Variants in SND1 observed in about 807,000 individuals in gnomAD.
SND1 encodes the protein staphylococcal nuclease and tudor domain containing 1, also known as staphylococcal nuclease domain-containing protein 1.
In SND1, 38 loss-of-function variants were observed where a neutral mutation model predicts 121.7. The ratio of observed to expected loss-of-function variants is 0.31; its 90% CI spans 0.24 to 0.41. SND1 has a LOEUF of 0.41. Ranked by LOEUF, SND1 falls within the 10% of genes least tolerant of loss-of-function variation. The pLI, the probability that SND1 is intolerant of heterozygous loss-of-function variation, is 1.00. For synonymous variants in SND1, 401 were observed against 447.4 expected (o/e 0.90, Z 1.31); for missense variants, 868 against 1,184.6 (o/e 0.73, Z 3.92).
chr7:127,865,159 G>A (rs1374682934), intron 12 of SND1, among the ~76,000 whole-genome samples: 1 of 152,184 alleles, frequency 6.6e-6, no homozygotes, highest in Non-Finnish European at 1.5e-5. Flanking sequence ...AAACACTATT[G>A]ATGATTACAT....
intron 16 of SND1, among the ~76,000 whole-genome samples, chr7:128,050,485 G>C (rs1230514586): frequency 2.6e-5 from 4 of 152,230 alleles, no homozygotes; most frequent in African/African-American, 7.2e-5. Flanking sequence ...TTACTGCACT[G>C]TAGCAAGGAC....
At chr7:127,725,761 G>A (rs937804412) in intron 10 of SND1, among the ~76,000 whole-genome samples, 1 of 152,136 alleles carries the variant, frequency 6.6e-6, no homozygotes, top group Non-Finnish European at 1.5e-5. Flanking sequence ...AGAACAAAGC[G>A]GGAGAGGGTG....
chr7:127,657,020 G>T (rs955667566), intron 1 of SND1, among the ~76,000 whole-genome samples: 1 of 152,072 alleles, frequency 6.6e-6, no homozygotes, highest in African/African-American at 2.4e-5. Flanking sequence ...TATCTTAAAG[G>T]TTTTCTGTCA....
Position 128,029,517 on chromosome 7 carries a change from C to T in SND1, c.1779+38461C>T, listed in dbSNP as rs757262082. 8.1e-6 allele frequency: 13 copies of T among 1,613,982 alleles called. No homozygotes were observed. Among genetic ancestry groups the T allele is most frequent in the Non-Finnish European group, 1.0e-5 (12 of 1,179,994 alleles). On this transcript the variant is annotated intron_variant, in intron 16 of 23. Transcript: ENST00000354725. The surrounding 1 kb of genome is among the most constrained non-coding windows in gnomAD (Gnocchi z 4.2). ...CTTCACGGAGGACATAGGGGGAGTC[C>T]GACACTTAAGTTCTGCCATCCGACC...
At chr7:127,802,770 T>A (rs914865464) in intron 10 of SND1, among the ~76,000 whole-genome samples, 4 of 152,204 alleles carry the variant, frequency 2.6e-5, no homozygotes, top group African/African-American at 9.6e-5. Flanking sequence ...GATCTTACCC[T>A]TCTCCGTTCG....
At chr7:127,854,561 T>G (rs1799234894) in intron 12 of SND1, among the ~76,000 whole-genome samples, 2 of 150,736 alleles carry the variant, frequency 1.3e-5, no homozygotes, top group African/African-American at 4.9e-5. Context: ...TATTTATTTA[T>G]TTATTTATTT....
intron 10 of SND1, among the ~76,000 whole-genome samples, chr7:127,725,815 G>A (rs1796572176): frequency 6.6e-6 from 1 of 152,148 alleles, no homozygotes; most frequent in African/African-American, 2.4e-5. Context: ...GAAAGTCTGT[G>A]GCATGGGCTT....
At chr7:127,806,184 A>G (rs1286086154) in intron 10 of SND1, among the ~76,000 whole-genome samples, 1 of 152,192 alleles carries the variant, frequency 6.6e-6, no homozygotes, top group Non-Finnish European at 1.5e-5. Context: ...TTTCTTATAC[A>G]AAGACAAAAG....
chr7:127,925,611 T>A (rs1225238387), intron 14 of SND1, among the ~76,000 whole-genome samples: 1 of 151,814 alleles, frequency 6.6e-6, no homozygotes, highest in East Asian at 1.9e-4. Context: ...GTGTTTCTTT[T>A]TTTTTTTTTT....
intron 18 of SND1, among the ~76,000 whole-genome samples, chr7:128,084,208 G>A (rs565754548): frequency 7.2e-4 from 110 of 152,308 alleles, no homozygotes; most frequent in Non-Finnish European, 1.3e-3. Context: ...CCTTTTCCAC[G>A]GTGGTGTGGG....
intron 11 of SND1, among the ~76,000 whole-genome samples, chr7:127,830,412 G>A (rs2116622581): frequency 6.6e-6 from 1 of 152,268 alleles, no homozygotes; most frequent in Middle Eastern, 3.4e-3. Flanking sequence ...GTGTTGGTGA[G>A]AGTGGGGAGA....
chr7:127,812,887 C>T (rs1441865619), intron 11 of SND1, among the ~76,000 whole-genome samples: 3 of 152,190 alleles, frequency 2.0e-5, no homozygotes, highest in Non-Finnish European at 4.4e-5. Flanking sequence ...TTCCTAATTA[C>T]CTCTATTTAA....
chr7:127,802,442 G>A (rs927509126), intron 10 of SND1, among the ~76,000 whole-genome samples: 1 of 152,164 alleles, frequency 6.6e-6, no homozygotes, highest in Non-Finnish European at 1.5e-5. Context: ...TAGATCCAAA[G>A]TGCAAATCTT....
chr7:127,995,205 G>A (rs1802619888), intron 16 of SND1, among the ~76,000 whole-genome samples: 1 of 152,210 alleles, frequency 6.6e-6, no homozygotes, highest in African/African-American at 2.4e-5. Flanking sequence ...TAAATGGCTT[G>A]TAATAGCCCT....
intron 15 of SND1, among the ~76,000 whole-genome samples, chr7:127,949,423 G>C (rs1303092845): frequency 6.6e-6 from 1 of 152,212 alleles, no homozygotes; most frequent in Non-Finnish European, 1.5e-5. Context: ...CTTAATGTTT[G>C]GAAGGAGATG....
intron 17 of SND1, among the ~76,000 whole-genome samples, chr7:128,076,202 A>G (rs886735267): frequency 1.5e-4 from 23 of 152,110 alleles, no homozygotes; most frequent in African/African-American, 5.3e-4. Context: ...CTGGCCTGAG[A>G]TGGAAGGGTG....
intron 17 of SND1, among the ~76,000 whole-genome samples, chr7:128,078,333 G>A (rs1793541919): frequency 6.6e-6 from 1 of 152,252 alleles, no homozygotes; most frequent in Non-Finnish European, 1.5e-5. Flanking sequence ...AAGGGCCAAA[G>A]GTCAGCCTCT....
chr7:127,732,619 G>A (rs73723059), intron 10 of SND1, among the ~76,000 whole-genome samples: 2,599 of 152,262 alleles, frequency 0.017, 92 homozygotes, highest in African/African-American at 0.059. Context: ...TTTAAAACAT[G>A]GACAACAACG....
intron 3 of SND1, among the ~76,000 whole-genome samples, chr7:127,697,601 CTT>C (rs1796028869): frequency 6.6e-6 from 1 of 152,158 alleles, no homozygotes; most frequent in Non-Finnish European, 1.5e-5. Context: ...ACTAATGTGT[CTT>C]TGGCTGGCCT....
Sources: allele counts gnomAD v4.1 joint callset (sites outside exome capture counted in the v4.1 genomes callset), GRCh38; gene constraint gnomAD v4.1.1; non-coding constraint Gnocchi (gnomAD v3.1); transcripts MANE v1.5; gene names NCBI Gene and HGNC (gene_info 2026-07-23, HGNC 2026-07-21).